GPSM1: variants seen among roughly 807,000 people sequenced by gnomAD.
GPSM1 encodes the protein G protein-signaling modulator 1.
GPSM1 carries 48 observed loss-of-function variants against 70.5 expected under a neutral mutation model. The observed-to-expected ratio is 0.68, with a 90% CI of 0.54 to 0.87. GPSM1 has a LOEUF of 0.87. Among genes scored for constraint, GPSM1 ranks in the 40% least tolerant of loss-of-function variants. GPSM1 has a pLI of 0.00. For synonymous variants in GPSM1, 416 were observed against 430.1 expected (o/e 0.97, Z 0.41); for missense variants, 981 against 972.6 (o/e 1.01, Z -0.11).
At chr9:136,338,450 G>C (rs1832303757) in intron 6 of GPSM1, 105 bp from the exon 7 acceptor site, 1 of 1,104,228 alleles carries the variant, frequency 9.1e-7, no homozygotes, top group East Asian at 2.6e-5. Context: ...GCCCCAGTGG[G>C]ATTCCGGGGC....
At chr9:136,354,700 G>C (rs893332560) in intron 11 of GPSM1, 1 of 476,582 alleles carries the variant, frequency 2.1e-6, no homozygotes, top group African/African-American at 2.1e-5. Flanking sequence ...CCCTTGGGGG[G>C]CCACAGGAGA....
At chr9:136,328,503 T>C (rs1427133743) in intron 1 of GPSM1, among the ~76,000 whole-genome samples, 3 of 152,084 alleles carry the variant, frequency 2.0e-5, no homozygotes. Flanking sequence ...CAGGCCTGGC[T>C]CCCCAGAGCG....
At chr9:136,349,359 A>G (rs1832601167) in intron 10 of GPSM1, among the ~76,000 whole-genome samples, 1 of 152,204 alleles carries the variant, frequency 6.6e-6, no homozygotes, top group Non-Finnish European at 1.5e-5. Flanking sequence ...CATTGCTGGT[A>G]TAAGCCGGCT....
At chr9:136,356,319 T>A (rs1284626088) in intron 12 of GPSM1, 23 bp from the exon 13 acceptor site, 1 of 1,521,184 alleles carries the variant, frequency 6.6e-7, no homozygotes, top group East Asian at 2.3e-5. Flanking sequence ...GGGTCCCAGG[T>A]CTCACCCTCT....
At position 136,343,209 on chromosome 9, in the gene GPSM1, C is replaced by T. The variant is rs1832437886; in HGVS notation, c.1207+2216C>T. 6.6e-6 allele frequency among the ~76,000 whole-genome samples: 1 copy of T among 152,218 alleles called. No homozygotes were observed. Among genetic ancestry groups the T allele is most frequent in the South Asian group, 2.1e-4 (1 of 4,834 alleles). On this transcript the variant is annotated intron_variant, in intron 9 of 13. Transcript: ENST00000440944. The surrounding 1 kb of genome is among the most constrained non-coding windows in gnomAD (Gnocchi z 6.0). The stretch of plus-strand genomic sequence containing the variant: ...CTGACAGCAACCAGCCCCCACCTCC[C>T]TGGCCAGAGGGCACAGGCCCGGGCC...
Position 136,338,730 on chromosome 9 carries a change from G to A in GPSM1, c.974+20G>A. On this transcript the variant is annotated intron_variant, in intron 7 of 13. Coordinates refer to ENST00000440944, the MANE Select transcript of GPSM1 (RefSeq NM_001145638.3). Reference sequence around the variant, plus strand: ...CGACAGGTGCGTGGGCGCGGACGCGGCGGGCAGACCCGGCCCGGCCCACAG... The same window carrying A: ...CGACAGGTGCGTGGGCGCGGACGCGACGGGCAGACCCGGCCCGGCCCACAG... 6.5e-7 allele frequency: 1 copy of A among 1,533,754 alleles called. No individual in the cohort carries two copies. The highest frequency in any genetic ancestry group is 1.2e-5 in the South Asian group (1 of 83,552).
At chr9:136,338,797 C>A in intron 7 of GPSM1, 87 bp downstream of exon 7, 7 of 1,309,828 alleles carry the variant, frequency 5.3e-6, no homozygotes, top group Non-Finnish European at 7.3e-6. Context: ...TGGGTCCCAT[C>A]CCCTGCTCTG....
At chr9:136,354,887 G>A in intron 11 of GPSM1, 2 of 1,014,048 alleles carry the variant, frequency 2.0e-6, no homozygotes, top group Non-Finnish European at 2.4e-6. Context: ...AGGCACGGGA[G>A]GCTTCCCGGG....
intron 1 of GPSM1, among the ~76,000 whole-genome samples, chr9:136,333,184 A>G (rs1204247947): frequency 6.6e-6 from 1 of 152,176 alleles, no homozygotes; most frequent in African/African-American, 2.4e-5. Context: ...GGGCCCCCCA[A>G]GCTGCGCCCT....
chr9:136,331,185 C>T (rs1832089883), intron 1 of GPSM1, among the ~76,000 whole-genome samples: 1 of 152,178 alleles, frequency 6.6e-6, no homozygotes, highest in South Asian at 2.1e-4. Context: ...GGAAAGGAGC[C>T]AGGCTAGGGG....
intron 9 of GPSM1, among the ~76,000 whole-genome samples, chr9:136,344,207 A>T (rs1588699305): frequency 2.3e-5 from 1 of 43,782 alleles, no homozygotes; most frequent in Non-Finnish European, 4.4e-5. Context: ...CGCGGACAGG[A>T]GCGGGGTGGG....
chr9:136,337,870 G>T lies in GPSM1; in HGVS notation c.727G>T (p.Gly243Ter). The T allele has an allele frequency of 6.2e-7, 1 of 1,612,460 alleles. No homozygotes were observed. Among genetic ancestry groups the T allele is most frequent in the Non-Finnish European group, 8.5e-7 (1 of 1,179,630 alleles). ...KERLAIAKEF[G>*]DKAAERRAYS... is the part of the protein sequence containing the mutation. Reference sequence around the variant, plus strand: ...GCGCCTGGCCATTGCTAAGGAGTTTGGAGACAAGGCAGCCGAGAGGAGGGC... The same window carrying T: ...GCGCCTGGCCATTGCTAAGGAGTTTTGAGACAAGGCAGCCGAGAGGAGGGC... Residue 243 changes from glycine (G) to a stop codon, truncating the protein, a stop_gained, in exon 6 of 14, where the codon GGA becomes TGA. Transcript: ENST00000440944. LOFTEE classifies it high-confidence loss of function.
intron 11 of GPSM1, among the ~76,000 whole-genome samples, chr9:136,351,064 A>C (rs1306869787): frequency 6.6e-6 from 1 of 152,150 alleles, no homozygotes; most frequent in Admixed American, 6.5e-5. Context: ...GCTGGGTCCA[A>C]ACCACTAGAA....
At chr9:136,345,291 T>G (rs1004599587) in intron 9 of GPSM1, among the ~76,000 whole-genome samples, 1 of 152,142 alleles carries the variant, frequency 6.6e-6, no homozygotes, top group Non-Finnish European at 1.5e-5. Context: ...GGGGCGGTGC[T>G]GGGAGAAGTT....
intron 1 of GPSM1, among the ~76,000 whole-genome samples, chr9:136,331,720 G>A (rs1238148044): frequency 8.5e-5 from 13 of 152,210 alleles, no homozygotes; most frequent in African/African-American, 2.9e-4. Context: ...AATGCCGCTG[G>A]TCCCAGTCCC....
chr9:136,339,629 G>A (rs1056706552), intron 7 of GPSM1, 78 bp from the exon 8 acceptor site: 26 of 1,013,092 alleles, frequency 2.6e-5, no homozygotes, highest in Admixed American at 6.1e-5. Flanking sequence ...TGCTGGGGCC[G>A]TGACCACCAG....
chr9:136,346,044 G>A (rs572825122), intron 9 of GPSM1, among the ~76,000 whole-genome samples: 166 of 152,344 alleles, frequency 1.1e-3, no homozygotes, highest in African/African-American at 3.9e-3. Flanking sequence ...GCCCTGCCCC[G>A]GGCGTTTGTG....
intron 13 of GPSM1, among the ~76,000 whole-genome samples, chr9:136,357,766 T>A (rs1832874443): frequency 6.6e-6 from 1 of 152,230 alleles, no homozygotes; most frequent in Admixed American, 6.5e-5. Context: ...TCGCTGGACC[T>A]GCTTTTCCTG....
chr9:136,330,425 T>A (rs1450228301), intron 1 of GPSM1, among the ~76,000 whole-genome samples: 2 of 152,126 alleles, frequency 1.3e-5, no homozygotes, highest in East Asian at 3.9e-4. Flanking sequence ...GGTGGGTCGC[T>A]GGGCAGCGAC....
Sources: allele counts gnomAD v4.1 joint callset (sites outside exome capture counted in the v4.1 genomes callset), GRCh38; gene constraint gnomAD v4.1.1; non-coding constraint Gnocchi (gnomAD v3.1); transcripts MANE v1.5; gene names NCBI Gene and HGNC (gene_info 2026-07-23, HGNC 2026-07-21).